The following BCL2 variants were observed in gnomAD, a reference collection of about 807,000 sequenced individuals.
BCL2 encodes the protein apoptosis regulator Bcl-2.
In BCL2, 1 loss-of-function variant was observed where a neutral mutation model predicts 14.2. That is an observed-to-expected ratio of 0.07 (90% CI 0.02 to 0.33). BCL2 has a LOEUF of 0.33. BCL2 is among the 10% of genes least tolerant of loss of function. The pLI is 0.99. For missense variants in BCL2, 247 were observed against 305.9 expected (o/e 0.81, Z 1.44); for synonymous variants, 151 against 137.2 (o/e 1.10, Z -0.70).
At chr18:63,251,577 G>A (rs1366193065) in intron 2 of BCL2, among the ~76,000 whole-genome samples, 5 of 150,022 alleles carry the variant, frequency 3.3e-5, no homozygotes, top group East Asian at 2.0e-4. Flanking sequence ...CCCGGGAGGC[G>A]GAGCTTGCAG....
At chr18:63,199,971 A>T (rs896949067) in intron 2 of BCL2, among the ~76,000 whole-genome samples, 1 of 152,106 alleles carries the variant, frequency 6.6e-6, no homozygotes, top group African/African-American at 2.4e-5. Flanking sequence ...CACACGAAGG[A>T]TATTTTCAAG....
intron 2 of BCL2, among the ~76,000 whole-genome samples, chr18:63,242,928 T>C (rs1460955494): frequency 1.3e-5 from 2 of 152,138 alleles, no homozygotes; most frequent in African/African-American, 2.4e-5. Flanking sequence ...TATTGTGAAA[T>C]GCCCCAAAAA....
intron 2 of BCL2, among the ~76,000 whole-genome samples, chr18:63,130,840 G>C (rs946998874): frequency 6.6e-6 from 1 of 152,110 alleles, no homozygotes; most frequent in African/African-American, 2.4e-5. Context: ...CATCAATATT[G>C]CTTCCAGACA....
chr18:63,244,956 T>TC (rs1342765865), intron 2 of BCL2, among the ~76,000 whole-genome samples: 1 of 152,188 alleles, frequency 6.6e-6, no homozygotes, highest in East Asian at 1.9e-4. Context: ...GCCTGCACCT[T>TC]CCTTAAGTTC....
At chr18:63,186,447 A>G (rs560323933) in intron 2 of BCL2, among the ~76,000 whole-genome samples, 116 of 152,284 alleles carry the variant, frequency 7.6e-4, no homozygotes, top group African/African-American at 2.6e-3. Flanking sequence ...TTTACTGTTT[A>G]TCTTTTAGCT....
intron 2 of BCL2, among the ~76,000 whole-genome samples, chr18:63,260,167 A>G (rs56737874): frequency 0.011 from 1,630 of 152,222 alleles, 25 homozygotes; most frequent in African/African-American, 0.037. Flanking sequence ...TATGATATCC[A>G]TCAGAAAAGC....
chr18:63,302,463 T>C, intron 2 of BCL2: 1 of 985,406 alleles, frequency 1.0e-6, no homozygotes, highest in South Asian at 4.7e-5. Flanking sequence ...AATAATAATT[T>C]CCCTTCCTTT....
At chr18:63,177,788 C>A (rs892557509) in intron 2 of BCL2, among the ~76,000 whole-genome samples, 1 of 152,124 alleles carries the variant, frequency 6.6e-6, no homozygotes, top group African/African-American at 2.4e-5. Context: ...GGGGGTAGGA[C>A]CCTGCCTGAA....
Position 63,127,405 on chromosome 18 carries a change from A to T in BCL2, c.*1220T>A, listed in dbSNP as rs1391224105. ...CTGTTCCTTCCCTCTACAGTGATAC[A>T]TGTCTTAAGAAGGGTCGTGGCTCCC... On this transcript the variant is annotated 3_prime_UTR_variant, in exon 3 of 3. Coordinates refer to ENST00000333681, the MANE Select transcript of BCL2 (RefSeq NM_000633.3). 4 of 236,176 alleles carry T rather than the reference A, an allele frequency of 1.7e-5. No individual in the cohort carries two copies. The highest frequency in any genetic ancestry group is 3.3e-5 in the Non-Finnish European group (4 of 119,922). The allele number at this position is 236,176 out of a possible 1,614,324, so 14.6% of individuals were successfully genotyped here.
At chr18:63,182,936 G>A (rs1195652691) in intron 2 of BCL2, among the ~76,000 whole-genome samples, 1 of 152,236 alleles carries the variant, frequency 6.6e-6, no homozygotes, top group Non-Finnish European at 1.5e-5. Context: ...GGAAACAGAG[G>A]CTTCCTGAAA....
At chr18:63,187,821 C>A (rs541913793) in intron 2 of BCL2, among the ~76,000 whole-genome samples, 2 of 152,322 alleles carry the variant, frequency 1.3e-5, no homozygotes, top group African/African-American at 4.8e-5. Flanking sequence ...GATTACGTTA[C>A]TTGAATGTTT....
chr18:63,189,441 T>C (rs1215221361), intron 2 of BCL2, among the ~76,000 whole-genome samples: 1 of 152,108 alleles, frequency 6.6e-6, no homozygotes, highest in East Asian at 1.9e-4. Flanking sequence ...CTAGGTTAGG[T>C]ATATCAAGTT....
chr18:63,295,909 G>C (rs190508058), intron 2 of BCL2, among the ~76,000 whole-genome samples: 89 of 152,190 alleles, frequency 5.8e-4, no homozygotes, highest in African/African-American at 2.0e-3. Flanking sequence ...ACGCTGCCAG[G>C]AATTTTCCCT....
chr18:63,146,260 G>T (rs4987819), intron 2 of BCL2, among the ~76,000 whole-genome samples: 4,818 of 152,278 alleles, frequency 0.032, 215 homozygotes, highest in African/African-American at 0.11. Context: ...AGTGTTGGCC[G>T]AGTGAAACAA....
chr18:63,153,935 T>C (rs567248948), intron 2 of BCL2, among the ~76,000 whole-genome samples: 1 of 152,208 alleles, frequency 6.6e-6, no homozygotes, highest in African/African-American at 2.4e-5. Flanking sequence ...GAAGTCTTCA[T>C]AGTACAGAAA....
intron 2 of BCL2, among the ~76,000 whole-genome samples, chr18:63,210,355 A>T (rs1248246059): frequency 6.6e-6 from 1 of 152,308 alleles, no homozygotes; most frequent in African/African-American, 2.4e-5. Flanking sequence ...GCTAGTGTGG[A>T]CTTCAGGCCC....
At chr18:63,258,641 G>A (rs558626760) in intron 2 of BCL2, among the ~76,000 whole-genome samples, 11 of 152,300 alleles carry the variant, frequency 7.2e-5, no homozygotes, top group African/African-American at 1.9e-4. Context: ...GTTCTCTGGC[G>A]TTGCCCTCCG....
intron 2 of BCL2, among the ~76,000 whole-genome samples, chr18:63,295,247 G>A (rs1258349675): frequency 6.6e-6 from 1 of 151,466 alleles, no homozygotes; most frequent in Non-Finnish European, 1.5e-5. Context: ...AGAGAACCAA[G>A]AAAGACAAGT....
At chr18:63,320,022 C>T (rs1317002445), upstream of BCL2, 1 of 149,154 alleles carries the variant, frequency 6.7e-6, no homozygotes, top group Non-Finnish European at 1.5e-5. Context: ...CCCGGAGCCC[C>T]GGCACCTTCG....
Sources: allele counts gnomAD v4.1 joint callset (sites outside exome capture counted in the v4.1 genomes callset), GRCh38; gene constraint gnomAD v4.1.1; transcripts MANE v1.5; gene names NCBI Gene and HGNC (gene_info 2026-07-23, HGNC 2026-07-21).